CCBE1: variants seen among roughly 807,000 people sequenced by gnomAD.
CCBE1 encodes collagen and calcium-binding EGF domain-containing protein 1.
In CCBE1, 37 loss-of-function variants were observed where a neutral mutation model predicts 50.0. The ratio of observed to expected loss-of-function variants is 0.74; its 90% confidence interval spans 0.57 to 0.97. The LOEUF is 0.97. CCBE1 is among the 50% of genes least tolerant of loss of function. The probability of loss-of-function intolerance (pLI) is 0.00; values close to 1 mark genes in which losing one functional copy is unlikely to be tolerated. For missense variants in CCBE1, 538 were observed against 523.8 expected, an observed-to-expected ratio of 1.03 and a Z score of -0.26; for synonymous variants, 234 against 203.7, an observed-to-expected ratio of 1.15 and a Z score of -1.27.
intron 2 of CCBE1, among the ~76,000 whole-genome samples, chr18:59,493,389 T>C (rs72962161): frequency 1.5e-3 from 227 of 152,342 alleles, no homozygotes; most frequent in South Asian, 2.5e-3. Context: ...GAACCTTCTA[T>C]TTGTTTTAAA....
At chr18:59,632,227 T>G (rs1015787286) in intron 2 of CCBE1, among the ~76,000 whole-genome samples, 7 of 152,198 alleles carry the variant, frequency 4.6e-5, no homozygotes, top group African/African-American at 1.7e-4. Context: ...ACGAGGGCAC[T>G]GACAGTTGAG....
intron 9 of CCBE1, 105 bp from the exon 10 acceptor site, chr18:59,438,251 A>C: frequency 9.8e-7 from 1 of 1,018,854 alleles, no homozygotes; most frequent in Non-Finnish European, 1.5e-6. Context: ...CAAAACAATA[A>C]ACATTTTCTA....
intron 2 of CCBE1, among the ~76,000 whole-genome samples, chr18:59,575,588 G>A (rs1054379014): frequency 6.6e-6 from 1 of 152,216 alleles, no homozygotes; most frequent in Admixed American, 6.5e-5. Context: ...GAATTTGAGA[G>A]AGGAGCAAGA....
intron 3 of CCBE1, among the ~76,000 whole-genome samples, chr18:59,473,602 T>A (rs1912142126): frequency 6.6e-6 from 1 of 151,882 alleles, no homozygotes; most frequent in East Asian, 1.9e-4. Context: ...TTAATTTCTT[T>A]GATCTCTTGC....
intron 2 of CCBE1, among the ~76,000 whole-genome samples, chr18:59,630,411 G>A (rs188287385): frequency 1.1e-3 from 169 of 152,296 alleles, no homozygotes; most frequent in African/African-American, 3.9e-3. Context: ...CTGGCAATTT[G>A]CTCTAAAATT....
intron 2 of CCBE1, among the ~76,000 whole-genome samples, chr18:59,546,458 G>T (rs941148654): frequency 1.3e-5 from 2 of 152,186 alleles, no homozygotes; most frequent in Non-Finnish European, 2.9e-5. Flanking sequence ...GTACAGTGGG[G>T]TTTTTATCTT....
chr18:59,691,226 GAT>G lies in CCBE1; in HGVS notation c.212+5401_212+5402del, dbSNP rs571795228. The stretch of plus-strand genomic sequence containing the variant: ...TCCAGGCATGGAGCTAGCCTCTGAG[GAT>G]ATAGTCATGAATGAGGACAGATGGC... On this transcript the variant is annotated intron_variant, in intron 2 of 10. Coordinates refer to ENST00000439986, the MANE Select transcript of CCBE1 (RefSeq NM_133459.4). Among the ~76,000 whole-genome samples, 243 of 152,330 alleles carry G rather than the reference GAT, an allele frequency of 1.6e-3. 2 individuals carry two copies. Among genetic ancestry groups the G allele is most frequent in the African/African-American group, 5.6e-3 (234 of 41,580 alleles).
chr18:59,667,067 A>G (rs552230857), intron 2 of CCBE1, among the ~76,000 whole-genome samples: 22 of 152,194 alleles, frequency 1.4e-4, no homozygotes, highest in Admixed American at 1.3e-3. Flanking sequence ...TGAGGCCAGG[A>G]GTTTGAGACC....
chr18:59,679,419 A>G (rs1484850086), intron 2 of CCBE1, among the ~76,000 whole-genome samples: 1 of 152,224 alleles, frequency 6.6e-6, no homozygotes, highest in Non-Finnish European at 1.5e-5. Context: ...TGAACACCCT[A>G]CATTTTAGAG....
intron 2 of CCBE1, among the ~76,000 whole-genome samples, chr18:59,536,123 A>G (rs979323032): frequency 3.3e-5 from 5 of 152,252 alleles, no homozygotes; most frequent in African/African-American, 9.6e-5. Flanking sequence ...ATAATTCATT[A>G]AAAAACCATA....
rs114851583 is a variant in CCBE1, at chr18:59,471,536, T to G, written c.266-1929A>C. Among the ~76,000 whole-genome samples the G allele has an allele frequency of 8.6e-3, 1,303 of 152,374 alleles. 21 individuals are homozygous for G. The highest frequency in any genetic ancestry group is 0.03 in the African/African-American group (1,253 of 41,590). On this transcript the variant is annotated intron_variant, in intron 3 of 10. Transcript: ENST00000439986. ...GAGCCTGGAAGTATGCTTGAATTAC[T>G]TGTACCTTCTTGAAGACCTTTTTGT...
intron 2 of CCBE1, among the ~76,000 whole-genome samples, chr18:59,662,803 G>A (rs1472644930): frequency 6.6e-6 from 1 of 152,210 alleles, no homozygotes; most frequent in Non-Finnish European, 1.5e-5. Context: ...ATAAAAAGGT[G>A]CTTTATACAT....
At chr18:59,674,196 T>C in intron 2 of CCBE1, among the ~76,000 whole-genome samples, 1 of 152,174 alleles carries the variant, frequency 6.6e-6, no homozygotes, top group East Asian at 1.9e-4. Context: ...TGCAGCAGTA[T>C]TCACAATAGC....
chr18:59,503,907 T>C (rs1913746223), intron 2 of CCBE1, among the ~76,000 whole-genome samples: 1 of 152,182 alleles, frequency 6.6e-6, no homozygotes, highest in Non-Finnish European at 1.5e-5. Flanking sequence ...ACTCAGAAGA[T>C]CCCTTTGTAA....
Position 59,439,836 on chromosome 18 carries a change from CATT to C in CCBE1, c.776-23_776-21del. Reference sequence around the variant, plus strand: ...GTGAGCCTGTAATCAAAGAACACCTCATTAGCTCACAGCACATGAGAAGGACAA... The same window carrying C: ...GTGAGCCTGTAATCAAAGAACACCTCAGCTCACAGCACATGAGAAGGACAA... On this transcript the variant is annotated intron_variant, in intron 7 of 10. Transcript: ENST00000439986. 1 of 1,612,560 alleles carries C rather than the reference CATT, an allele frequency of 6.2e-7. No homozygotes were observed. The highest frequency in any genetic ancestry group is 8.5e-7 in the Non-Finnish European group (1 of 1,179,850).
intron 5 of CCBE1, among the ~76,000 whole-genome samples, chr18:59,457,945 C>T (rs927227586): frequency 6.6e-6 from 1 of 152,228 alleles, no homozygotes; most frequent in African/African-American, 2.4e-5. Flanking sequence ...TTTGGTTGTG[C>T]TGACTGCAGG....
At chr18:59,465,817 G>A (rs1379407421) in intron 5 of CCBE1, 1 of 152,090 alleles carries the variant, frequency 6.6e-6, no homozygotes, top group Admixed American at 6.5e-5. Flanking sequence ...AAAACACAGC[G>A]TTTCTGACCT....
intron 2 of CCBE1, among the ~76,000 whole-genome samples, chr18:59,589,648 A>G (rs975344781): frequency 6.6e-6 from 1 of 151,764 alleles, no homozygotes; most frequent in Non-Finnish European, 1.5e-5. Flanking sequence ...ACAAAAACAA[A>G]ATTAGCCGGG....
chr18:59,697,405 C>T lies in CCBE1; in HGVS notation c.-63G>A, dbSNP rs1485082750. 1 of 1,511,522 alleles carries T rather than the reference C, an allele frequency of 6.6e-7. No individual in the cohort carries two copies. Among genetic ancestry groups the T allele is most frequent in the Admixed American group, 2.1e-5 (1 of 47,998 alleles). The allele number at this position is 1,511,522 out of a possible 1,614,324, so 93.6% of individuals were successfully genotyped here. A position where few individuals can be genotyped will look rare whatever the true frequency, so the allele number is the denominator to read the frequency against. ...GTCCGGACCAAGCGTCCTGCTCCTC[C>T]GCGGCCGCCGCCGCCTTCCCTCTTC... On this transcript the variant is annotated 5_prime_UTR_variant, in exon 1 of 11. Coordinates refer to ENST00000439986, the MANE Select transcript of CCBE1 (RefSeq NM_133459.4).
Sources: allele counts gnomAD v4.1 joint callset (sites outside exome capture counted in the v4.1 genomes callset), GRCh38; gene constraint gnomAD v4.1.1; transcripts MANE v1.5; gene names NCBI Gene and HGNC (gene_info 2026-07-23, HGNC 2026-07-21).